Variants in WFDC9 observed in about 807,000 individuals in gnomAD.
WFDC9 encodes the protein protein WFDC9.
Under a neutral mutation model 9.5 loss-of-function variants are expected in WFDC9, and 9 were observed. That is an observed-to-expected ratio of 0.95 (90% confidence interval 0.57 to 1.65). The LOEUF (loss-of-function observed/expected upper bound fraction) is 1.65. Among genes scored for constraint, WFDC9 ranks in the 40% most tolerant of loss-of-function variants. The probability of loss-of-function intolerance (pLI) is 0.00; values close to 1 mark genes in which losing one functional copy is unlikely to be tolerated. For missense variants in WFDC9, 87 were observed against 106.7 expected (o/e 0.82, Z 0.81); for synonymous variants, 33 against 32.3 (o/e 1.02, Z -0.07).
In WFDC9 at chr20:45,610,217, A is replaced by G; in HGVS notation, c.-36T>C. ...GTGTGTATTTGGGTTAAGTTCTGGCAGAAGGCAAGTCTTTTCCCAATACTG... is the reference window on the plus strand; with the variant it reads ...GTGTGTATTTGGGTTAAGTTCTGGCGGAAGGCAAGTCTTTTCCCAATACTG... On this transcript the variant is annotated 5_prime_UTR_variant, in exon 3 of 5. Coordinates refer to ENST00000326000, the MANE Select transcript of WFDC9 (RefSeq NM_147198.4). 1.3e-6 allele frequency: 2 copies of G among 1,585,984 alleles called. No homozygotes were observed.
At chr20:45,609,396 G>T (rs1019889517) in intron 3 of WFDC9, among the ~76,000 whole-genome samples, 1 of 151,936 alleles carries the variant, frequency 6.6e-6, no homozygotes, top group Non-Finnish European at 1.5e-5. Flanking sequence ...TAGAGACGGG[G>T]TTTCACCATG....
intron 3 of WFDC9, 63 bp downstream of exon 3, chr20:45,610,028 G>C: frequency 7.4e-7 from 1 of 1,343,340 alleles, no homozygotes. Context: ...GCAGGCCCTG[G>C]ATCAGCTACA....
intron 1 of WFDC9, among the ~76,000 whole-genome samples, chr20:45,623,789 T>A (rs1982155062): frequency 6.6e-6 from 1 of 152,174 alleles, no homozygotes; most frequent in Non-Finnish European, 1.5e-5. Flanking sequence ...ACATTCAATA[T>A]CTTCCTTCTA....
chr20:45,623,801 C>T (rs1982155603), intron 1 of WFDC9, among the ~76,000 whole-genome samples: 1 of 152,106 alleles, frequency 6.6e-6, no homozygotes, highest in African/African-American at 2.4e-5. Context: ...TTCCTTCTAG[C>T]TATTTGAAAT....
At position 45,621,735 on chromosome 20, in the gene WFDC9, A is replaced by G. The variant is rs1982106044; in HGVS notation, c.-152-7014T>C. Among the ~76,000 whole-genome samples the G allele has an allele frequency of 2.0e-5, 3 of 152,340 alleles. No individual in the cohort carries two copies. The South Asian group carries it at 6.2e-4, about 32-fold the overall frequency. The stretch of plus-strand genomic sequence containing the variant: ...ACAACACTTCACACATGTTGTCACA[A>G]CTGATCGATGGGGGAATTCAGCATG... On this transcript the variant is annotated intron_variant, in intron 1 of 4. Coordinates refer to ENST00000326000, the MANE Select transcript of WFDC9 (RefSeq NM_147198.4).
chr20:45,610,338 A>G (rs2145594684), intron 2 of WFDC9, 99 bp from the exon 3 acceptor site: 1 of 572,092 alleles, frequency 1.7e-6, no homozygotes, highest in East Asian at 3.0e-5. Context: ...AGTACCCAGT[A>G]GCATACCAAC....
chr20:45,622,119 T>G (rs907508503), intron 1 of WFDC9, among the ~76,000 whole-genome samples: 7 of 148,266 alleles, frequency 4.7e-5, no homozygotes, highest in African/African-American at 1.7e-4. Context: ...ACAATTTTAT[T>G]GTGCCCTCAT....
chr20:45,626,891 G>A (rs1849819188), intron 1 of WFDC9, among the ~76,000 whole-genome samples: 1 of 152,106 alleles, frequency 6.6e-6, no homozygotes, highest in African/African-American at 2.4e-5. Flanking sequence ...TCTATATCTT[G>A]TTTCAGTTCT....
chr20:45,609,810 T>C (rs1261611862), intron 3 of WFDC9, among the ~76,000 whole-genome samples: 1 of 152,218 alleles, frequency 6.6e-6, no homozygotes, highest in Non-Finnish European at 1.5e-5. Context: ...AAGCTCTGTG[T>C]TGGTTTTTCC....
chr20:45,629,634 A>G, intron 1 of WFDC9: 1 of 629,656 alleles, frequency 1.6e-6, no homozygotes, highest in Non-Finnish European at 2.5e-6. Context: ...ATGACGAACG[A>G]CAAGGCCAGG....
intron 1 of WFDC9, among the ~76,000 whole-genome samples, chr20:45,615,017 G>A (rs1981942990): frequency 6.6e-6 from 1 of 152,176 alleles, no homozygotes; most frequent in African/African-American, 2.4e-5. Flanking sequence ...TATGTAGGAA[G>A]TTGGGAACAG....
chr20:45,608,235 A>G (rs991601615), intron 4 of WFDC9, 95 bp from the exon 5 acceptor site: 1 of 1,373,712 alleles, frequency 7.3e-7, no homozygotes, highest in Admixed American at 2.2e-5. Flanking sequence ...AAAGGACAGC[A>G]ATTCTTCTGC....
intron 1 of WFDC9, chr20:45,630,769 ATGACTG>A: frequency 7.6e-7 from 1 of 1,310,394 alleles, no homozygotes. Flanking sequence ...CAGGAGTATC[ATGACTG>A]AGACCTGGGT....
Position 45,609,634 on chromosome 20 carries a change from C to T in WFDC9, c.91+457G>A, listed in dbSNP as rs533887211. Among the ~76,000 whole-genome samples, 17 of 152,256 alleles carry T rather than the reference C, an allele frequency of 1.1e-4. No individual in the cohort carries two copies. The East Asian group carries it at 2.5e-3, about 22-fold the overall frequency. On this transcript the variant is annotated intron_variant, in intron 3 of 4. Coordinates refer to ENST00000326000, the MANE Select transcript of WFDC9 (RefSeq NM_147198.4). Reference sequence around the variant, plus strand: ...TCCACATTTTCTTATCATATGAACCCAAACTTTGACCCACTAAGGAGCCTT... The same window carrying T: ...TCCACATTTTCTTATCATATGAACCTAAACTTTGACCCACTAAGGAGCCTT...
chr20:45,619,892 G>C (rs1008002544), intron 1 of WFDC9, among the ~76,000 whole-genome samples: 5 of 152,106 alleles, frequency 3.3e-5, no homozygotes, highest in African/African-American at 9.7e-5. Flanking sequence ...CAGCCGTGGT[G>C]GTGGGTGCCT....
At chr20:45,611,297 C>T (rs992275396) in intron 2 of WFDC9, among the ~76,000 whole-genome samples, 4 of 150,822 alleles carry the variant, frequency 2.7e-5, no homozygotes, top group Admixed American at 2.0e-4. Context: ...TGGTGGGAGG[C>T]GGGGGAGAGA....
At chr20:45,618,040 C>A (rs1751021104) in intron 1 of WFDC9, among the ~76,000 whole-genome samples, 1 of 152,198 alleles carries the variant, frequency 6.6e-6, no homozygotes, top group South Asian at 2.1e-4. Flanking sequence ...AAAGGGCCAA[C>A]AGTATCTTAG....
At chr20:45,629,254 T>C (rs1391374473) in intron 1 of WFDC9, among the ~76,000 whole-genome samples, 5 of 152,244 alleles carry the variant, frequency 3.3e-5, no homozygotes, top group Admixed American at 2.6e-4. Flanking sequence ...TGACATTCTC[T>C]AGATTATTAG....
chr20:45,615,506 G>A (rs967141287), intron 1 of WFDC9, among the ~76,000 whole-genome samples: 2 of 152,144 alleles, frequency 1.3e-5, no homozygotes, highest in Admixed American at 6.5e-5. Context: ...GATATTGCAG[G>A]TTCAGTTTCA....
Sources: gnomAD v4.1 joint callset for allele counts (sites outside exome capture counted in the v4.1 genomes callset) on GRCh38, gnomAD v4.1.1 for gene constraint, MANE v1.5 for transcripts, NCBI Gene and HGNC (gene_info 2026-07-23, HGNC 2026-07-21) for gene names.